The following CDH12 variants were observed in gnomAD, a reference collection of about 807,000 sequenced individuals.
CDH12 encodes cadherin 12.
Under a neutral mutation model 74.1 loss-of-function variants are expected in CDH12, and 41 were observed. That is an observed-to-expected ratio of 0.55 (90% CI 0.43 to 0.72). CDH12 has a LOEUF of 0.72. Ranked by LOEUF, CDH12 falls within the 30% of genes least tolerant of loss-of-function variation. The pLI is 0.00. For synonymous variants in CDH12, 399 were observed against 355.0 expected (o/e 1.12, Z -1.39); for missense variants, 945 against 977.2 (o/e 0.97, Z 0.44).
At chr5:22,589,591 C>T (rs1219542256) in intron 1 of CDH12, among the ~76,000 whole-genome samples, 1 of 152,166 alleles carries the variant, frequency 6.6e-6, no homozygotes, top group African/African-American at 2.4e-5. Flanking sequence ...ACTCCTTAGC[C>T]TTCTTTTAAT....
At chr5:21,988,491 C>CAAAAAAAAAAAAAAA (rs1157872208) in intron 5 of CDH12, among the ~76,000 whole-genome samples, 1 of 29,472 alleles carries the variant, frequency 3.4e-5, no homozygotes, top group African/African-American at 6.7e-5. Context: ...GACTCCGTCT[C>CAAAAAAAAAAAAAAA]AAAAAAAAAA....
intron 5 of CDH12, among the ~76,000 whole-genome samples, chr5:21,991,210 C>A (rs2547646): frequency 6.6e-6 from 1 of 151,688 alleles, no homozygotes; most frequent in African/African-American, 2.4e-5. Context: ...TAAAATATTT[C>A]TCTATGGTTG....
intron 5 of CDH12, among the ~76,000 whole-genome samples, chr5:21,977,717 G>A (rs1757130029): frequency 6.6e-6 from 1 of 152,100 alleles, no homozygotes; most frequent in African/African-American, 2.4e-5. Flanking sequence ...AATTACTGCT[G>A]CTCCTCACTC....
intron 1 of CDH12, among the ~76,000 whole-genome samples, chr5:22,596,618 A>G (rs1736620141): frequency 6.6e-6 from 1 of 152,152 alleles, no homozygotes; most frequent in African/African-American, 2.4e-5. Flanking sequence ...CTGGTATTTA[A>G]AAGTCCAGGG....
chr5:22,660,015 T>C (rs1264630234), intron 1 of CDH12, among the ~76,000 whole-genome samples: 2 of 152,190 alleles, frequency 1.3e-5, no homozygotes, highest in Non-Finnish European at 1.5e-5. Flanking sequence ...TAGTCCAGTA[T>C]AAATGTGAAA....
chr5:22,804,790 G>T (rs182767085), intron 1 of CDH12, among the ~76,000 whole-genome samples: 3 of 152,268 alleles, frequency 2.0e-5, no homozygotes, highest in Admixed American at 1.3e-4. Flanking sequence ...ACCTAGACAA[G>T]TTGACACATA....
chr5:22,603,003 G>A (rs538598062), intron 1 of CDH12, among the ~76,000 whole-genome samples: 7 of 152,204 alleles, frequency 4.6e-5, no homozygotes, highest in African/African-American at 1.7e-4. Context: ...AGAAAACAAA[G>A]CTTAGATGTA....
At chr5:21,756,979 T>C (rs540059265) in intron 13 of CDH12, among the ~76,000 whole-genome samples, 1 of 152,110 alleles carries the variant, frequency 6.6e-6, no homozygotes, top group African/African-American at 2.4e-5. Flanking sequence ...ATTTAAATCT[T>C]CAGCAATTGA....
At chr5:22,631,249 C>T (rs1408178872) in intron 1 of CDH12, among the ~76,000 whole-genome samples, 1 of 152,142 alleles carries the variant, frequency 6.6e-6, no homozygotes, top group African/African-American at 2.4e-5. Context: ...GAACTTAAAA[C>T]AGAATTACCA....
intron 2 of CDH12, among the ~76,000 whole-genome samples, chr5:22,465,465 G>T (rs1745689914): frequency 6.6e-6 from 1 of 152,122 alleles, no homozygotes; most frequent in African/African-American, 2.4e-5. Flanking sequence ...GGGTAACATA[G>T]GGAGAACCCA....
intron 14 of CDH12, among the ~76,000 whole-genome samples, chr5:21,754,182 TAC>T (rs1488705466): frequency 6.6e-6 from 1 of 152,124 alleles, no homozygotes; most frequent in Non-Finnish European, 1.5e-5. Context: ...TTGTGATTTT[TAC>T]AGTCTTTTTC....
At chr5:21,800,372 C>T (rs1747043456) in intron 10 of CDH12, among the ~76,000 whole-genome samples, 1 of 151,970 alleles carries the variant, frequency 6.6e-6, no homozygotes, top group South Asian at 2.1e-4. Flanking sequence ...GATATGTATC[C>T]CCCCAAAATT....
chr5:22,094,284 A>G (rs1267661370), intron 4 of CDH12, among the ~76,000 whole-genome samples: 1 of 152,206 alleles, frequency 6.6e-6, no homozygotes. Context: ...GAGGTGACCC[A>G]TAAGAATCTG....
At chr5:22,850,071 A>G (rs865878866) in intron 1 of CDH12, among the ~76,000 whole-genome samples, 101 of 152,208 alleles carry the variant, frequency 6.6e-4, no homozygotes, top group African/African-American at 2.3e-3. Flanking sequence ...GCATTTATCT[A>G]TAATCTCACA....
At chr5:22,730,310 T>G (rs972196452) in intron 1 of CDH12, among the ~76,000 whole-genome samples, 13 of 151,830 alleles carry the variant, frequency 8.6e-5, no homozygotes, top group African/African-American at 3.1e-4. Flanking sequence ...TTTAAGAGGA[T>G]AAGACCCAAT....
intron 2 of CDH12, among the ~76,000 whole-genome samples, chr5:22,481,914 T>A (rs1746399260): frequency 6.6e-6 from 1 of 152,146 alleles, no homozygotes; most frequent in African/African-American, 2.4e-5. Flanking sequence ...ATGAGGAAAC[T>A]TTTAGAGTGA....
intron 3 of CDH12, among the ~76,000 whole-genome samples, chr5:22,285,022 T>C (rs893684633): frequency 2.6e-5 from 4 of 151,660 alleles, no homozygotes; most frequent in African/African-American, 9.7e-5. Flanking sequence ...ATCACATTTT[T>C]AAAGTCTATT....
chr5:21,894,383 A>G lies in CDH12; in HGVS notation c.527-39593T>C, dbSNP rs1056668950. Among the ~76,000 whole-genome samples the G allele has an allele frequency of 5.3e-5, 6 of 112,306 alleles. No individual in the cohort carries two copies. In the East Asian group the frequency reaches 1.3e-3, roughly 24 times the overall value. 73.7% of individuals were successfully genotyped at this position (112,306 alleles called of 152,430 possible). A position where few individuals can be genotyped will look rare whatever the true frequency, so the allele number is the denominator to read the frequency against. On this transcript the variant is annotated intron_variant, in intron 6 of 14. Transcript: ENST00000382254. ...AACAGAGGGAGACACCGTCTCAAAG[A>G]AAAAAAAAAAAAAAAAAAAAAGAAA...
At chr5:21,978,225 T>A (rs1205773181) in intron 5 of CDH12, among the ~76,000 whole-genome samples, 1 of 152,108 alleles carries the variant, frequency 6.6e-6, no homozygotes, top group Non-Finnish European at 1.5e-5. Context: ...CACTGCAACC[T>A]CCACCTCTCG....
Sources: allele counts gnomAD v4.1 joint callset (sites outside exome capture counted in the v4.1 genomes callset), GRCh38; gene constraint gnomAD v4.1.1; transcripts MANE v1.5; gene names NCBI Gene and HGNC (gene_info 2026-07-23, HGNC 2026-07-21).